The following FRMPD4 variants were observed in gnomAD, a reference collection of about 807,000 sequenced individuals.
The protein encoded by FRMPD4 is FERM and PDZ domain-containing protein 4.
In FRMPD4, 22 loss-of-function variants were observed where a neutral mutation model predicts 94.1. The ratio of observed to expected loss-of-function variants is 0.23; its 90% CI spans 0.17 to 0.33. The LOEUF is 0.33. Ranked by LOEUF, FRMPD4 falls within the 10% of genes least tolerant of loss-of-function variation. FRMPD4 has a pLI of 1.00. For synonymous variants in FRMPD4, 631 were observed against 548.6 expected (o/e 1.15, Z -2.10); for missense variants, 1,111 against 1,339.9 (o/e 0.83, Z 2.67).
intron 1 of FRMPD4, among the ~76,000 whole-genome samples, chrX:12,304,266 T>C (rs2054901555): frequency 9.0e-6 from 1 of 111,711 alleles, no homozygotes; most frequent in South Asian, 3.8e-4. Context: ...CAAAAAGCCT[T>C]AGACAATTAA....
chrX:12,198,288 C>T (rs1250915940), intron 1 of FRMPD4, among the ~76,000 whole-genome samples: 1 of 111,710 alleles, frequency 9.0e-6, no homozygotes, highest in Non-Finnish European at 1.9e-5. Context: ...TTTATTCATA[C>T]TTGTGACCCT....
intron 1 of FRMPD4, among the ~76,000 whole-genome samples, chrX:12,493,784 A>G (rs1379633170): frequency 3.6e-5 from 4 of 111,990 alleles, no homozygotes; most frequent in Non-Finnish European, 7.5e-5. Flanking sequence ...AAGCAGTTAT[A>G]TCCTTAGAAA....
intron 1 of FRMPD4, among the ~76,000 whole-genome samples, chrX:12,281,943 A>G (rs1234502786): frequency 3.6e-5 from 4 of 111,685 alleles, no homozygotes; most frequent in Non-Finnish European, 5.6e-5. Context: ...CCCAAAGCCC[A>G]TGATCTCTAT....
intron 3 of FRMPD4, among the ~76,000 whole-genome samples, chrX:11,902,157 T>G (rs1263358139): frequency 1.8e-5 from 2 of 112,946 alleles, no homozygotes; most frequent in Admixed American, 9.3e-5. Flanking sequence ...AATGCTTCTT[T>G]TTTGCTTTTT....
intron 2 of FRMPD4, among the ~76,000 whole-genome samples, chrX:12,563,437 G>A (rs763840751): frequency 1.2e-4 from 13 of 112,073 alleles, no homozygotes; most frequent in Non-Finnish European, 2.1e-4. Context: ...ACCCTTTGTG[G>A]AGAAAGAGGG....
intron 3 of FRMPD4, among the ~76,000 whole-genome samples, chrX:12,109,055 G>C (rs1198377928): frequency 9.0e-6 from 1 of 111,450 alleles, no homozygotes; most frequent in Non-Finnish European, 1.9e-5. Context: ...ATTGAACTCA[G>C]CTCTGCACCA....
chrX:11,992,580 G>A (rs2054470936), intron 3 of FRMPD4, among the ~76,000 whole-genome samples: 1 of 111,438 alleles, frequency 9.0e-6, no homozygotes, highest in Admixed American at 9.6e-5. Flanking sequence ...GGAGCAAAGG[G>A]ATATGATTAC....
intron 1 of FRMPD4, among the ~76,000 whole-genome samples, chrX:12,278,547 A>G (rs1200398268): frequency 2.7e-5 from 3 of 112,142 alleles, no homozygotes; most frequent in Non-Finnish European, 5.6e-5. Flanking sequence ...ACCTAAAAAA[A>G]CTCCTCAGTG....
chrX:12,444,866 A>C (rs1328791382), intron 1 of FRMPD4, among the ~76,000 whole-genome samples: 1 of 112,171 alleles, frequency 8.9e-6, no homozygotes, highest in East Asian at 2.8e-4. Flanking sequence ...ACCTTCCGAC[A>C]CTGTTGCATT....
chrX:12,371,794 G>A (rs944913041), intron 1 of FRMPD4, among the ~76,000 whole-genome samples: 4 of 111,448 alleles, frequency 3.6e-5, no homozygotes, highest in South Asian at 7.6e-4. Context: ...AATACAGGAC[G>A]CACAGTTCGA....
intron 1 of FRMPD4, among the ~76,000 whole-genome samples, chrX:12,350,400 C>A (rs768671787): frequency 9.0e-6 from 1 of 111,180 alleles, no homozygotes; most frequent in Non-Finnish European, 1.9e-5. Context: ...AAACTTCTGG[C>A]CTGTTTTCTT....
chrX:12,564,140 G>A (rs1339843849), intron 2 of FRMPD4, among the ~76,000 whole-genome samples: 1 of 111,535 alleles, frequency 9.0e-6, no homozygotes, highest in Non-Finnish European at 1.9e-5. Context: ...CTCTTCTTAT[G>A]TGGGCACTAA....
At chrX:12,616,064 T>C (rs1194477633) in intron 4 of FRMPD4, among the ~76,000 whole-genome samples, 1 of 111,021 alleles carries the variant, frequency 9.0e-6, no homozygotes, top group Admixed American at 9.6e-5. Flanking sequence ...AAAAGGCCCA[T>C]GTCCCAGGGA....
rs148466262 is a variant in FRMPD4 at position 12,469,348 on chromosome X, C to G, written c.42-29332C>G. Among the ~76,000 whole-genome samples, 618 of 111,292 alleles carry G rather than the reference C, an allele frequency of 5.6e-3. 6 individuals are homozygous for G. Among genetic ancestry groups the G allele is most frequent in the African/African-American group, 0.02 (602 of 30,564 alleles). The stretch of plus-strand genomic sequence containing the variant: ...CACTGCAGCCTCCAGCTTCCAGGTT[C>G]AAGCGATTCTCCTGACTCAGCCTCC... On this transcript the variant is annotated intron_variant, in intron 1 of 16. Coordinates refer to ENST00000675598, the MANE Select transcript of FRMPD4 (RefSeq NM_001368397.1).
intron 1 of FRMPD4, among the ~76,000 whole-genome samples, chrX:12,353,289 C>T (rs1014529763): frequency 1.8e-5 from 2 of 112,070 alleles, no homozygotes; most frequent in East Asian, 2.8e-4. Context: ...AAGAACAGCT[C>T]GAGCCGATTC....
chrX:12,320,143 C>A (rs1472817006), intron 1 of FRMPD4, among the ~76,000 whole-genome samples: 2 of 111,639 alleles, frequency 1.8e-5, no homozygotes, highest in African/African-American at 6.5e-5. Context: ...AGAGTCAGCA[C>A]ATATGGAGTA....
intron 1 of FRMPD4, among the ~76,000 whole-genome samples, chrX:12,275,804 G>A (rs748460612): frequency 1.8e-5 from 2 of 111,258 alleles, no homozygotes; most frequent in South Asian, 7.7e-4. Flanking sequence ...GGACCTTTGA[G>A]GAAGCTCAAT....
chrX:12,676,992 G>C (rs1315944423), intron 5 of FRMPD4, among the ~76,000 whole-genome samples: 2 of 111,170 alleles, frequency 1.8e-5, no homozygotes, highest in Admixed American at 9.6e-5. Flanking sequence ...CCACCTCCTC[G>C]GCCTCGCTAA....
At chrX:12,273,090 GA>G (rs771581382) in intron 1 of FRMPD4, among the ~76,000 whole-genome samples, 1 of 106,694 alleles carries the variant, frequency 9.4e-6, no homozygotes, top group South Asian at 4.1e-4. Context: ...AAAAAAAAAA[GA>G]AAAAAAAATA....
Sources: gnomAD v4.1 joint callset for allele counts (sites outside exome capture counted in the v4.1 genomes callset) on GRCh38, gnomAD v4.1.1 for gene constraint, MANE v1.5 for transcripts, NCBI Gene and HGNC (gene_info 2026-07-23, HGNC 2026-07-21) for gene names.